The following NCAPD3 variants were observed in gnomAD, a reference collection of about 807,000 sequenced individuals.
NCAPD3 encodes the protein condensin-2 complex subunit D3.
Under a neutral mutation model 182.9 loss-of-function variants are expected in NCAPD3, and 105 were observed. The ratio of observed to expected loss-of-function variants is 0.57; its 90% confidence interval spans 0.49 to 0.68. The LOEUF (loss-of-function observed/expected upper bound fraction) is 0.68. NCAPD3 is among the 30% of genes least tolerant of loss of function. NCAPD3 has a pLI of 0.00. For missense variants in NCAPD3, 1,944 were observed against 1,837.0 expected, an observed-to-expected ratio of 1.06 and a Z score of -1.07; for synonymous variants, 815 against 679.9, an observed-to-expected ratio of 1.20 and a Z score of -3.09.
At chr11:134,183,558 A>G (rs575652429) in intron 19 of NCAPD3, among the ~76,000 whole-genome samples, 2 of 152,188 alleles carry the variant, frequency 1.3e-5, no homozygotes, top group South Asian at 4.2e-4. Flanking sequence ...ACAGAGTGAG[A>G]CTCCATCTCA....
intron 34 of NCAPD3, 37 bp from the exon 35 acceptor site, chr11:134,153,089 G>C: frequency 1.2e-6 from 2 of 1,612,426 alleles, no homozygotes; most frequent in African/African-American, 2.7e-5. Flanking sequence ...CTGGAACTCA[G>C]AAAAACCCTG....
At chr11:134,167,873 C>G (rs1943901115) in intron 27 of NCAPD3, 123 bp downstream of exon 27, 1 of 915,488 alleles carries the variant, frequency 1.1e-6, no homozygotes, top group Admixed American at 2.2e-5. Context: ...GTGAGATGAG[C>G]TTGGGGGAGG....
intron 8 of NCAPD3, among the ~76,000 whole-genome samples, chr11:134,206,020 A>G (rs182583444): frequency 6.6e-6 from 1 of 152,324 alleles, no homozygotes; most frequent in East Asian, 1.9e-4. Context: ...GGAAAAGCCA[A>G]CAACGCAGCA....
chr11:134,186,079 T>C (rs1457607927), intron 16 of NCAPD3: 1 of 152,070 alleles, frequency 6.6e-6, no homozygotes, highest in Non-Finnish European at 1.5e-5. Flanking sequence ...AACCTAACAA[T>C]TAAATATGAT....
intron 32 of NCAPD3, among the ~76,000 whole-genome samples, chr11:134,155,687 T>C (rs1349975667): frequency 6.6e-6 from 1 of 152,180 alleles, no homozygotes; most frequent in Non-Finnish European, 1.5e-5. Context: ...TCCCCGTTTC[T>C]TCAGCATATG....
At chr11:134,179,166 TC>T (rs1337140478) in intron 20 of NCAPD3, among the ~76,000 whole-genome samples, 1 of 152,168 alleles carries the variant, frequency 6.6e-6, no homozygotes, top group Non-Finnish European at 1.5e-5. Flanking sequence ...TCTAGACACA[TC>T]TGCAAGTAAA....
rs375669432 is a variant in NCAPD3 at position 134,184,785 on chromosome 11, C to T, written c.2336-33G>A. ...GGAAGTCAAAACCCCTGAAGTTCAA[C>T]TGCTTAAATATATTCAGGTATATAT... On this transcript the variant is annotated intron_variant, in intron 18 of 34. Transcript: ENST00000534548. 12 of 1,502,310 alleles carry T rather than the reference C, an allele frequency of 8.0e-6. No individual in the cohort carries two copies. In the African/African-American group the frequency reaches 1.7e-4, roughly 21 times the overall value. 93.1% of individuals were successfully genotyped at this position (1,502,310 alleles called of 1,614,324 possible).
At chr11:134,185,906 C>CTTTTTTTTT (rs34931150) in intron 16 of NCAPD3, 2 of 138,312 alleles carry the variant, frequency 1.4e-5, no homozygotes, top group African/African-American at 2.7e-5. Flanking sequence ...TAACATTGTC[C>CTTTTTTTTT]TTTTTTTTTT....
At chr11:134,161,946 C>T in intron 27 of NCAPD3, 55 bp from the exon 28 acceptor site, 1 of 873,830 alleles carries the variant, frequency 1.1e-6, no homozygotes, top group Non-Finnish European at 1.8e-6. Flanking sequence ...AAAGACAGGC[C>T]TCTCCTTGAT....
intron 32 of NCAPD3, among the ~76,000 whole-genome samples, chr11:134,154,247 C>T (rs1943351857): frequency 6.6e-6 from 1 of 152,182 alleles, no homozygotes; most frequent in Non-Finnish European, 1.5e-5. Flanking sequence ...ATCATCCCTG[C>T]ATCACTGGAG....
intron 16 of NCAPD3, among the ~76,000 whole-genome samples, chr11:134,188,937 A>C (rs925549047): frequency 6.6e-6 from 1 of 152,060 alleles, no homozygotes. Context: ...GGAGAAACCC[A>C]CTCTCCTGGC....
intron 22 of NCAPD3, 58 bp from the exon 23 acceptor site, chr11:134,177,515 A>G (rs1944199305): frequency 6.7e-7 from 1 of 1,486,464 alleles, no homozygotes; most frequent in African/African-American, 1.4e-5. Flanking sequence ...TTCCATTCCT[A>G]AATTTTCTCC....
At chr11:134,172,282 G>C (rs77778719) in intron 24 of NCAPD3, among the ~76,000 whole-genome samples, 1 of 152,266 alleles carries the variant, frequency 6.6e-6, no homozygotes, top group East Asian at 1.9e-4. Context: ...CTGCTTTCCT[G>C]ACTTCATTGT....
chr11:134,185,619 C>A, intron 16 of NCAPD3, 93 bp from the exon 17 acceptor site: 1 of 1,055,892 alleles, frequency 9.5e-7, no homozygotes, highest in Non-Finnish European at 1.3e-6. Flanking sequence ...TCAACTTCTG[C>A]TGCTCCAGGA....
intron 20 of NCAPD3, among the ~76,000 whole-genome samples, chr11:134,179,137 TATA>T (rs1037116919): frequency 3.9e-5 from 6 of 152,214 alleles, no homozygotes; most frequent in African/African-American, 7.2e-5. Context: ...AGGGCAAGCA[TATA>T]ATTTTATCAT....
chr11:134,198,075 C>T (rs1176592707), intron 13 of NCAPD3, among the ~76,000 whole-genome samples: 1 of 152,192 alleles, frequency 6.6e-6, no homozygotes, highest in African/African-American at 2.4e-5. Flanking sequence ...GGACTTCCTC[C>T]TCAGCCAGGG....
At position 134,170,272 on chromosome 11, in the gene NCAPD3, C is replaced by T. The variant is rs562802248; in HGVS notation, c.3102-1218G>A. 2.6e-5 allele frequency among the ~76,000 whole-genome samples: 4 copies of T among 152,244 alleles called. No individual in the cohort carries two copies. The South Asian group carries it at 8.3e-4, about 32-fold the overall frequency. On this transcript the variant is annotated intron_variant, in intron 24 of 34. Coordinates refer to ENST00000534548, the MANE Select transcript of NCAPD3 (RefSeq NM_015261.3). ...ATTCAATAACGAGAATTCCTTGAGA[C>T]AAAATTCACTTAAGGACAACCAGAA...
At chr11:134,158,282 A>G (rs1261187155) in intron 30 of NCAPD3, 47 bp downstream of exon 30, 3 of 1,607,378 alleles carry the variant, frequency 1.9e-6, no homozygotes, top group East Asian at 2.2e-5. Flanking sequence ...CTCTGAGAAC[A>G]TCGCCACAGA....
At chr11:134,210,717 A>C (rs1937802628) in intron 3 of NCAPD3, among the ~76,000 whole-genome samples, 1 of 152,178 alleles carries the variant, frequency 6.6e-6, no homozygotes, top group African/African-American at 2.4e-5. Context: ...ACTGGGCAAA[A>C]ATTTATAAAG....
Sources: gnomAD v4.1 joint callset for allele counts (sites outside exome capture counted in the v4.1 genomes callset) on GRCh38, gnomAD v4.1.1 for gene constraint, MANE v1.5 for transcripts, NCBI Gene and HGNC (gene_info 2026-07-23, HGNC 2026-07-21) for gene names.